PCDHGA1: variants seen among roughly 807,000 people sequenced by gnomAD.
PCDHGA1 encodes the protein protocadherin gamma-A1.
Under a neutral mutation model 58.0 loss-of-function variants are expected in PCDHGA1, and 32 were observed. The observed-to-expected ratio is 0.55, with a 90% CI of 0.42 to 0.74. PCDHGA1 has a LOEUF of 0.74. Ranked by LOEUF, PCDHGA1 falls within the 30% of genes least tolerant of loss-of-function variation. The pLI is 0.00. For missense variants in PCDHGA1, 1,205 were observed against 1,182.3 expected (o/e 1.02, Z -0.28); for synonymous variants, 498 against 501.1 (o/e 0.99, Z 0.08).
rs2154576188 is a variant in PCDHGA1 at position 141,477,933 on chromosome 5, T to C, written c.2422-16874T>C. ...GCGGATGCAGGGCACAATGCCTGGCTCTCCTACAGTCTCTTGGGATCCCCT... is the reference window on the plus strand; with the variant it reads ...GCGGATGCAGGGCACAATGCCTGGCCCTCCTACAGTCTCTTGGGATCCCCT... On this transcript the variant is annotated intron_variant, in intron 1 of 3. Coordinates refer to ENST00000517417, the MANE Select transcript of PCDHGA1 (RefSeq NM_018912.3). The surrounding 1 kb of genome is among the most constrained non-coding windows in gnomAD (Gnocchi z 4.9). 1.2e-6 allele frequency: 2 copies of C among 1,614,112 alleles called. No homozygotes were observed. Among genetic ancestry groups the C allele is most frequent in the Non-Finnish European group, 1.7e-6 (2 of 1,180,022 alleles).
At chr5:141,376,518 T>G in intron 1 of PCDHGA1, 1 of 1,613,924 alleles carries the variant, frequency 6.2e-7, no homozygotes, top group Non-Finnish European at 8.5e-7. Context: ...GTGAGTTTCT[T>G]TCCGCCTAAG....
At chr5:141,371,295 C>G (rs1362756223) in intron 1 of PCDHGA1, 3 of 1,613,880 alleles carry the variant, frequency 1.9e-6, no homozygotes, top group Non-Finnish European at 2.5e-6. Context: ...AACGGGGGAA[C>G]TCACCACTAT....
chr5:141,441,885 CA>C, intron 1 of PCDHGA1: 1 of 345,036 alleles, frequency 2.9e-6, no homozygotes. Context: ...ACCTGGTCAC[CA>C]AGGTGGTGGC....
At chr5:141,497,904 A>G (rs939422338) in intron 2 of PCDHGA1, among the ~76,000 whole-genome samples, 2 of 152,136 alleles carry the variant, frequency 1.3e-5, no homozygotes, top group African/African-American at 2.4e-5. Context: ...AGTAACTTCA[A>G]CTTCTCTCCT....
chr5:141,345,462 C>T, intron 1 of PCDHGA1: 1 of 1,614,144 alleles, frequency 6.2e-7, no homozygotes, highest in East Asian at 2.2e-5. Flanking sequence ...AGTGACAGCC[C>T]AGGACCCAGA....
chr5:141,413,400 G>A (rs1328176117), intron 1 of PCDHGA1: 4 of 1,614,060 alleles, frequency 2.5e-6, no homozygotes, highest in Non-Finnish European at 2.5e-6. Context: ...CCAGAGGTAG[G>A]ACGCAGCTTT....
At chr5:141,340,689 C>G in intron 1 of PCDHGA1, 1 of 1,614,236 alleles carries the variant, frequency 6.2e-7, no homozygotes, top group Non-Finnish European at 8.5e-7. Context: ...GACGGTTCCA[C>G]TGGCGTGGAG....
intron 1 of PCDHGA1, among the ~76,000 whole-genome samples, chr5:141,358,688 C>G (rs944997281): frequency 6.6e-6 from 1 of 152,144 alleles, no homozygotes. Context: ...CTTATCATGA[C>G]ATCACTATTG....
At chr5:141,498,581 C>A (rs1281809549) in intron 2 of PCDHGA1, among the ~76,000 whole-genome samples, 1 of 152,104 alleles carries the variant, frequency 6.6e-6, no homozygotes, top group East Asian at 1.9e-4. Flanking sequence ...GTATTGAGTT[C>A]TTCAGTAAAC....
intron 1 of PCDHGA1, chr5:141,430,780 C>T: frequency 6.6e-7 from 1 of 1,511,476 alleles, no homozygotes; most frequent in Non-Finnish European, 8.8e-7. Flanking sequence ...CGCGACTGCA[C>T]CGGGACTACA....
rs1426305491 is a variant in PCDHGA1 at position 141,489,758 on chromosome 5, G to A, written c.2422-5049G>A. 1 of 1,614,084 alleles carries A rather than the reference G, an allele frequency of 6.2e-7. No homozygotes were observed. The highest frequency in any genetic ancestry group is 1.7e-5 in the Admixed American group (1 of 60,020). On this transcript the variant is annotated intron_variant, in intron 1 of 3. Coordinates refer to ENST00000517417, the MANE Select transcript of PCDHGA1 (RefSeq NM_018912.3). The surrounding 1 kb of genome is among the most constrained non-coding windows in gnomAD (Gnocchi z 4.5). ...AATACTGTGAGCTTTTACACTCTAAGCCCCAACAGCCACTTCTCTCTGAAT... is the reference window on the plus strand; with the variant it reads ...AATACTGTGAGCTTTTACACTCTAAACCCCAACAGCCACTTCTCTCTGAAT...
At chr5:141,381,635 G>A (rs528841837) in intron 1 of PCDHGA1, among the ~76,000 whole-genome samples, 1 of 152,276 alleles carries the variant, frequency 6.6e-6, no homozygotes, top group Non-Finnish European at 1.5e-5. Context: ...GCAGATTTCT[G>A]CCTTCTGTAG....
At position 141,332,219 on chromosome 5, in the gene PCDHGA1, G is replaced by A. The variant is rs116469894; in HGVS notation, c.1535G>A (p.Gly512Glu). The change falls in exon 1 of 4, where the codon GGG (glycine) becomes GAG (glutamate). Residue 512 changes from glycine (G) to glutamate (E), a missense_variant. Coordinates refer to ENST00000517417, the MANE Select transcript of PCDHGA1 (RefSeq NM_018912.3). This position sits in a 1 kb window ranked among gnomAD's most constrained non-coding sequence, Gnocchi z 4.6. ...TACCTCTCCATCAACTCCGACACTG[G>A]GGTCCTGTATGCGCTGCGATCCTTC... ...SAYLSINSDT[G>E]VLYALRSFDY... The A allele has an allele frequency of 6.2e-6, 10 of 1,614,178 alleles. No homozygotes were observed. In the African/African-American group the frequency reaches 1.3e-4, roughly 22 times the overall value.
chr5:141,413,248 GGGATTCCATGGGA>G (rs1349440144), intron 1 of PCDHGA1: 4 of 1,613,844 alleles, frequency 2.5e-6, no homozygotes, highest in Non-Finnish European at 2.5e-6. Context: ...CCTTTTCTTC[GGGATTCCATGGGA>G]GGCTGGAGCC....
intron 1 of PCDHGA1, chr5:141,375,132 C>T (rs1771158869): frequency 6.2e-7 from 1 of 1,613,952 alleles, no homozygotes; most frequent in Non-Finnish European, 8.5e-7. Flanking sequence ...GTGGTTGTTA[C>T]ATCTGGAAGC....
chr5:141,345,566 T>G, intron 1 of PCDHGA1: 1 of 1,614,182 alleles, frequency 6.2e-7, no homozygotes, highest in Non-Finnish European at 8.5e-7. Flanking sequence ...ACTCCAACAC[T>G]GGCGTCCTAT....
intron 1 of PCDHGA1, chr5:141,371,505 A>G: frequency 6.2e-7 from 1 of 1,613,908 alleles, no homozygotes; most frequent in Non-Finnish European, 8.5e-7. Flanking sequence ...CCTGATCAAA[A>G]CACATGATCT....
At chr5:141,380,666 A>G (rs1338427097) in intron 1 of PCDHGA1, among the ~76,000 whole-genome samples, 1 of 152,250 alleles carries the variant, frequency 6.6e-6, no homozygotes, top group African/African-American at 2.4e-5. Flanking sequence ...CATTTACTCC[A>G]TAGGGTATGT....
intron 1 of PCDHGA1, chr5:141,366,678 A>G (rs1764735373): frequency 1.9e-6 from 3 of 1,614,146 alleles, no homozygotes; most frequent in East Asian, 2.2e-5. Context: ...CTTAGTGAAG[A>G]GAGCTGTGAG....
Sources: allele counts gnomAD v4.1 joint callset (sites outside exome capture counted in the v4.1 genomes callset), GRCh38; gene constraint gnomAD v4.1.1; non-coding constraint Gnocchi (gnomAD v3.1); transcripts MANE v1.5; gene names NCBI Gene and HGNC (gene_info 2026-07-23, HGNC 2026-07-21).